Variants in DMC1 observed in about 807,000 individuals in gnomAD.
DMC1 encodes DNA meiotic recombinase 1.
In DMC1, 27 loss-of-function variants were observed where a neutral mutation model predicts 50.1. That is an observed-to-expected ratio of 0.54 (90% CI 0.40 to 0.74). The LOEUF is 0.74. Ranked by LOEUF, DMC1 falls within the 30% of genes least tolerant of loss-of-function variation. The pLI is 0.00. For missense variants in DMC1, 295 were observed against 420.2 expected, an observed-to-expected ratio of 0.70 and a Z score of 2.60; for synonymous variants, 148 against 136.1, an observed-to-expected ratio of 1.09 and a Z score of -0.61.
At chr22:38,532,662 C>T (rs1307420741) in intron 12 of DMC1, among the ~76,000 whole-genome samples, 1 of 151,780 alleles carries the variant, frequency 6.6e-6, no homozygotes, top group Non-Finnish European at 1.5e-5. Context: ...CTCTCTTGCC[C>T]AGGCTGGAGT....
chr22:38,562,699 TAC>T (rs766690771), intron 4 of DMC1, among the ~76,000 whole-genome samples: 99 of 151,526 alleles, frequency 6.5e-4, no homozygotes, highest in Admixed American at 1.9e-3. Flanking sequence ...TATATATATA[TAC>T]ACACACACAC....
intron 12 of DMC1, among the ~76,000 whole-genome samples, chr22:38,529,666 G>A (rs1602720597): frequency 6.6e-6 from 1 of 152,194 alleles, no homozygotes; most frequent in African/African-American, 2.4e-5. Context: ...TGAGGTTCAA[G>A]TAGCATTAAC....
chr22:38,568,010 G>A (rs1369457606), intron 2 of DMC1, among the ~76,000 whole-genome samples, 196 bp downstream of exon 2: 2 of 152,156 alleles, frequency 1.3e-5, no homozygotes, highest in Non-Finnish European at 2.9e-5. Context: ...CAGCTGTTAA[G>A]TCATTAAAAT....
intron 8 of DMC1, chr22:38,549,621 C>CAAAA: frequency 4.9e-6 from 1 of 205,402 alleles, no homozygotes; most frequent in South Asian, 6.5e-5. Flanking sequence ...GATTCCGTCT[C>CAAAA]AAAAAAAAAA....
At chr22:38,567,481 G>A (rs751862553) in intron 3 of DMC1, 102 bp downstream of exon 3, 19 of 971,140 alleles carry the variant, frequency 2.0e-5, no homozygotes, top group Non-Finnish European at 2.8e-5. Flanking sequence ...TGCACAGGAC[G>A]TCCCCTTGCA....
In DMC1 at chr22:38,529,391, C is replaced by T. The variant is rs74743217; in HGVS notation, c.837-7667G>A. On this transcript the variant is annotated intron_variant, in intron 12 of 13. Coordinates refer to ENST00000216024, the MANE Select transcript of DMC1 (RefSeq NM_007068.4). Reference sequence around the variant, plus strand: ...CCTTGAGCCTATCATCTTATTTCTTCTTCTTTTATATTTTCTTCTCTTCTT... The same window carrying T: ...CCTTGAGCCTATCATCTTATTTCTTTTTCTTTTATATTTTCTTCTCTTCTT... Among the ~76,000 whole-genome samples the T allele has an allele frequency of 4.8e-3, 725 of 152,264 alleles. 8 individuals are homozygous for T. The highest frequency in any genetic ancestry group is 0.017 in the African/African-American group (692 of 41,540).
At chr22:38,565,487 C>A (rs2090572132) in intron 4 of DMC1, among the ~76,000 whole-genome samples, 1 of 152,206 alleles carries the variant, frequency 6.6e-6, no homozygotes, top group South Asian at 2.1e-4. Context: ...CATAAACTGC[C>A]CCTTAATTTG....
chr22:38,549,871 G>A, intron 8 of DMC1, 54 bp downstream of exon 8: 2 of 1,336,296 alleles, frequency 1.5e-6, no homozygotes, highest in Non-Finnish European at 2.1e-6. Context: ...ACTCTTCAGT[G>A]GTAACATTCC....
chr22:38,526,158 C>T (rs969498710), intron 12 of DMC1, among the ~76,000 whole-genome samples: 8 of 151,664 alleles, frequency 5.3e-5, no homozygotes, highest in African/African-American at 1.5e-4. Context: ...GGAAAACAAA[C>T]AAATTTTGTT....
intron 12 of DMC1, among the ~76,000 whole-genome samples, chr22:38,527,223 T>C (rs1227861982): frequency 6.6e-6 from 1 of 152,104 alleles, no homozygotes; most frequent in Non-Finnish European, 1.5e-5. Context: ...TTTTTTTTTT[T>C]AGACGGCATC....
chr22:38,520,310 A>G lies in DMC1; in HGVS notation c.954-221T>C, dbSNP rs181874208. Reference sequence around the variant, plus strand: ...TATAAAGTTCTGAATGTCAAGAAAAATTACTCCAAACTTGGAAACAGGTGA... The same window carrying G: ...TATAAAGTTCTGAATGTCAAGAAAAGTTACTCCAAACTTGGAAACAGGTGA... On this transcript the variant is annotated intron_variant, in intron 13 of 13. Coordinates refer to ENST00000216024, the MANE Select transcript of DMC1 (RefSeq NM_007068.4). 1.4e-4 allele frequency among the ~76,000 whole-genome samples: 21 copies of G among 152,286 alleles called. No individual in the cohort carries two copies. The East Asian group carries it at 3.1e-3, about 22-fold the overall frequency.
chr22:38,557,130 A>G (rs1379604927), intron 5 of DMC1, among the ~76,000 whole-genome samples: 1 of 152,214 alleles, frequency 6.6e-6, no homozygotes, highest in Non-Finnish European at 1.5e-5. Flanking sequence ...ACTATTAAAG[A>G]AAGCTTTATT....
In DMC1 at chr22:38,567,636, G is replaced by T; in HGVS notation, c.52-9C>A. The T allele has an allele frequency of 6.3e-7, 1 of 1,599,594 alleles. No homozygotes were observed. Among genetic ancestry groups the T allele is most frequent in the Non-Finnish European group, 8.6e-7 (1 of 1,166,908 alleles). On this transcript the variant is annotated splice_polypyrimidine_tract_variant and intron_variant, in intron 2 of 13. Transcript: ENST00000216024. Reference sequence around the variant, plus strand: ...TCTTGAAACAAAGATTCCTAAAGGAGATGAAACAGAAAAAATGAAGTTTTG... The same window carrying T: ...TCTTGAAACAAAGATTCCTAAAGGATATGAAACAGAAAAAATGAAGTTTTG...
At chr22:38,542,511 T>C (rs2090294389) in intron 8 of DMC1, among the ~76,000 whole-genome samples, 1 of 152,144 alleles carries the variant, frequency 6.6e-6, no homozygotes, top group Admixed American at 6.6e-5. Flanking sequence ...GTGAAGGATC[T>C]CTACAATGAA....
At chr22:38,550,658 T>C (rs1025170711) in intron 7 of DMC1, among the ~76,000 whole-genome samples, 3 of 145,450 alleles carry the variant, frequency 2.1e-5, no homozygotes, top group African/African-American at 7.5e-5. Flanking sequence ...TGGCCGGGCA[T>C]GGTGGCTCAT....
intron 8 of DMC1, among the ~76,000 whole-genome samples, chr22:38,544,823 G>A (rs529425157): frequency 1.3e-4 from 20 of 149,290 alleles, no homozygotes; most frequent in East Asian, 8.0e-4. Flanking sequence ...TAGTAGAGAC[G>A]GGGTTTCACC....
intron 8 of DMC1, among the ~76,000 whole-genome samples, chr22:38,547,149 G>A (rs1208318073): frequency 1.3e-5 from 2 of 151,972 alleles, no homozygotes; most frequent in Non-Finnish European, 2.9e-5. Context: ...TAAGCCTCCT[G>A]CCTCAGCCTT....
At chr22:38,565,351 T>A (rs2090570451) in intron 4 of DMC1, among the ~76,000 whole-genome samples, 1 of 152,142 alleles carries the variant, frequency 6.6e-6, no homozygotes, top group African/African-American at 2.4e-5. Flanking sequence ...CAACTTTCCA[T>A]AAGACATGGC....
chr22:38,513,660 C>G, the DMC1 span, among the ~76,000 whole-genome samples: 2 of 152,194 alleles, frequency 1.3e-5, no homozygotes, highest in African/African-American at 4.8e-5. Context: ...TCACTGCAAC[C>G]TCCGACTATC....
Sources: allele counts gnomAD v4.1 joint callset (sites outside exome capture counted in the v4.1 genomes callset), GRCh38; gene constraint gnomAD v4.1.1; transcripts MANE v1.5; gene names NCBI Gene and HGNC (gene_info 2026-07-23, HGNC 2026-07-21).